RBFOX1: variants seen among roughly 807,000 people sequenced by gnomAD.
RBFOX1 encodes RNA binding protein fox-1 homolog 1.
In RBFOX1, 8 loss-of-function variants were observed where a neutral mutation model predicts 57.7. The observed-to-expected ratio is 0.14, with a 90% CI of 0.08 to 0.25. RBFOX1 has a LOEUF of 0.25. RBFOX1 is among the 10% of genes least tolerant of loss of function. The pLI is 1.00. For synonymous variants in RBFOX1, 326 were observed against 222.4 expected (o/e 1.47, Z -4.15); for missense variants, 611 against 548.5 (o/e 1.11, Z -1.14).
At chr16:7,124,634 A>G (rs2068027605) in intron 4 of RBFOX1, among the ~76,000 whole-genome samples, 1 of 150,280 alleles carries the variant, frequency 6.7e-6, no homozygotes, top group Non-Finnish European at 1.5e-5. Flanking sequence ...AGGGCAACAC[A>G]TGATAGCCCT....
chr16:5,841,010 A>G (rs2056607539), intron 3 of RBFOX1, among the ~76,000 whole-genome samples: 1 of 152,178 alleles, frequency 6.6e-6, no homozygotes, highest in Admixed American at 6.5e-5. Context: ...AATGTGGAGA[A>G]ATTACCTTGT....
At chr16:5,842,414 G>A (rs2056647871) in intron 3 of RBFOX1, among the ~76,000 whole-genome samples, 1 of 152,180 alleles carries the variant, frequency 6.6e-6, no homozygotes. Context: ...AAATCCCTGA[G>A]TGTTTGGTTA....
intron 4 of RBFOX1, among the ~76,000 whole-genome samples, chr16:7,143,631 G>A (rs1242065530): frequency 6.6e-6 from 1 of 152,080 alleles, no homozygotes; most frequent in East Asian, 1.9e-4. Flanking sequence ...TCCTTGAAGG[G>A]GAGTGAGTGA....
chr16:7,299,775 A>G (rs1311433088), intron 4 of RBFOX1, among the ~76,000 whole-genome samples: 3 of 152,200 alleles, frequency 2.0e-5, no homozygotes, highest in East Asian at 3.9e-4. Flanking sequence ...TCTCACCCCT[A>G]TCCCTAGTAG....
intron 4 of RBFOX1, among the ~76,000 whole-genome samples, chr16:7,053,587 A>G (rs190094925): frequency 5.3e-5 from 8 of 152,304 alleles, no homozygotes; most frequent in African/African-American, 1.4e-4. Context: ...CTCTATTGCA[A>G]ATGACACTTG....
chr16:5,285,107 G>A (rs2063361006), intron 1 of RBFOX1, among the ~76,000 whole-genome samples: 1 of 151,920 alleles, frequency 6.6e-6, no homozygotes, highest in African/African-American at 2.4e-5. Flanking sequence ...TCAGTATTTG[G>A]CCACATATGT....
At chr16:5,329,468 T>A (rs749647220) in intron 1 of RBFOX1, among the ~76,000 whole-genome samples, 5 of 152,044 alleles carry the variant, frequency 3.3e-5, no homozygotes, top group African/African-American at 1.2e-4. Flanking sequence ...GCCCCCATGA[T>A]CCAGTCAGCT....
chr16:6,668,130 C>G (rs930238611), intron 3 of RBFOX1, among the ~76,000 whole-genome samples: 4 of 152,110 alleles, frequency 2.6e-5, no homozygotes, highest in Admixed American at 2.6e-4. Flanking sequence ...CTCAATCTGA[C>G]TGAAAGAGTA....
intron 4 of RBFOX1, among the ~76,000 whole-genome samples, chr16:5,887,627 C>T (rs1002640372): frequency 1.3e-5 from 2 of 152,112 alleles, no homozygotes; most frequent in Admixed American, 1.3e-4. Flanking sequence ...TGGCCTTGAA[C>T]TCCTGAACTC....
intron 1 of RBFOX1, among the ~76,000 whole-genome samples, chr16:5,342,560 A>G (rs939833753): frequency 6.6e-5 from 10 of 152,212 alleles, no homozygotes; most frequent in African/African-American, 2.2e-4. Flanking sequence ...CAATTCATGT[A>G]GAACTTTTAG....
intron 4 of RBFOX1, among the ~76,000 whole-genome samples, chr16:7,414,656 C>G (rs1243011522): frequency 6.6e-6 from 1 of 152,128 alleles, no homozygotes; most frequent in East Asian, 1.9e-4. Flanking sequence ...CTCACTCTGT[C>G]ACCCAGGCTG....
intron 11 of RBFOX1, among the ~76,000 whole-genome samples, chr16:7,640,232 T>C (rs1163444252): frequency 6.6e-6 from 1 of 152,180 alleles, no homozygotes; most frequent in African/African-American, 2.4e-5. Flanking sequence ...TTTAACCAAT[T>C]CCAAGAAAGA....
chr16:5,574,020 T>G (rs2151139005), intron 2 of RBFOX1, among the ~76,000 whole-genome samples: 1 of 152,336 alleles, frequency 6.6e-6, no homozygotes, highest in Middle Eastern at 3.4e-3. Flanking sequence ...TGTTTATGTT[T>G]AGCTTCATGG....
At chr16:6,044,488 T>TA (rs35188189) in intron 1 of RBFOX1, among the ~76,000 whole-genome samples, 43,576 of 143,100 alleles carry the variant, frequency 0.3, 7,126 homozygotes, top group Non-Finnish European at 0.39. Context: ...TGTTTTAGGT[T>TA]AAAAAAAAAA....
At chr16:7,507,028 G>A (rs1185606857) in intron 4 of RBFOX1, among the ~76,000 whole-genome samples, 1 of 152,126 alleles carries the variant, frequency 6.6e-6, no homozygotes, top group African/African-American at 2.4e-5. Flanking sequence ...TCACTGTGAA[G>A]AATAATATAT....
At chr16:7,396,226 G>T (rs1427667767) in intron 4 of RBFOX1, among the ~76,000 whole-genome samples, 2 of 152,156 alleles carry the variant, frequency 1.3e-5, no homozygotes, top group African/African-American at 2.4e-5. Context: ...GAGCAAGGCT[G>T]TGGCAGTACA....
chr16:6,725,304 G>T (rs934454385), intron 3 of RBFOX1, among the ~76,000 whole-genome samples: 3 of 151,680 alleles, frequency 2.0e-5, no homozygotes, highest in Admixed American at 6.6e-5. Context: ...ACCCACCTCG[G>T]CCTCCCAAAG....
At chr16:5,784,626 C>G (rs564768006) in intron 3 of RBFOX1, among the ~76,000 whole-genome samples, 142 of 152,284 alleles carry the variant, frequency 9.3e-4, no homozygotes, top group African/African-American at 3.3e-3. Flanking sequence ...CTGGCCCCAC[C>G]TCCAGCCCTG....
At chr16:7,051,966 C>A in intron 3 of RBFOX1, 91 bp from the exon 4 acceptor site, 1 of 1,533,516 alleles carries the variant, frequency 6.5e-7, no homozygotes, top group Non-Finnish European at 8.8e-7. Flanking sequence ...TTTCTTTGAG[C>A]TGAGTAATTA....
Sources: allele counts gnomAD v4.1 joint callset (sites outside exome capture counted in the v4.1 genomes callset), GRCh38; gene constraint gnomAD v4.1.1; transcripts MANE v1.5; gene names NCBI Gene and HGNC (gene_info 2026-07-23, HGNC 2026-07-21).